The following STK4 variants were observed in gnomAD, a reference collection of about 807,000 sequenced individuals.
The protein encoded by STK4 is serine/threonine kinase 4.
Under a neutral mutation model 64.9 loss-of-function variants are expected in STK4, and 30 were observed. The ratio of observed to expected loss-of-function variants is 0.46; its 90% confidence interval spans 0.35 to 0.63. STK4 has a LOEUF of 0.63. Ranked by LOEUF, STK4 falls within the 20% of genes least tolerant of loss-of-function variation. STK4 has a pLI of 0.01. For synonymous variants in STK4, 177 were observed against 199.0 expected (o/e 0.89, Z 0.93); for missense variants, 466 against 598.5 (o/e 0.78, Z 2.31).
chr20:44,988,535 A>G (rs11906118), intron 5 of STK4, among the ~76,000 whole-genome samples: 33,071 of 86,694 alleles, frequency 0.38, 4,790 homozygotes, highest in Non-Finnish European at 0.42. Context: ...GTGTGTGTGT[A>G]TATATATATA....
chr20:45,032,233 A>T (rs2068456957), intron 10 of STK4, among the ~76,000 whole-genome samples: 1 of 152,076 alleles, frequency 6.6e-6, no homozygotes, highest in Admixed American at 6.6e-5. Context: ...TGAAACTTTA[A>T]AAACATGGAA....
At chr20:45,021,717 A>T (rs929003100) in intron 9 of STK4, among the ~76,000 whole-genome samples, 10 of 152,174 alleles carry the variant, frequency 6.6e-5, no homozygotes, top group African/African-American at 1.9e-4. Context: ...TTGTCACTAA[A>T]ATATTTCTTG....
intron 10 of STK4, among the ~76,000 whole-genome samples, chr20:45,067,952 C>T (rs1012520843): frequency 6.6e-6 from 1 of 152,112 alleles, no homozygotes; most frequent in African/African-American, 2.4e-5. Flanking sequence ...GTGTTGTGAG[C>T]TCATCTTAGA....
chr20:44,982,830 C>T (rs1203732231), intron 4 of STK4, among the ~76,000 whole-genome samples: 1 of 149,168 alleles, frequency 6.7e-6, no homozygotes, highest in East Asian at 1.9e-4. Context: ...TAGTGTACTT[C>T]GGAATAGGGC....
chr20:45,056,964 C>T (rs1978535611), intron 10 of STK4, among the ~76,000 whole-genome samples: 2 of 152,196 alleles, frequency 1.3e-5, no homozygotes, highest in African/African-American at 2.4e-5. Context: ...GGCAAGCCGT[C>T]GTTTACCTTC....
intron 9 of STK4, among the ~76,000 whole-genome samples, chr20:45,005,994 T>TA (rs2067936462): frequency 6.6e-6 from 1 of 151,928 alleles, no homozygotes; most frequent in Non-Finnish European, 1.5e-5. Context: ...CTGTTGTCAA[T>TA]ATTGTTCTTT....
chr20:44,971,383 A>G (rs1376267433), intron 1 of STK4, among the ~76,000 whole-genome samples: 5 of 152,162 alleles, frequency 3.3e-5, no homozygotes, highest in African/African-American at 4.8e-5. Context: ...ACTTTTGATC[A>G]TATCTAAATG....
At chr20:44,992,726 G>A (rs568829120) in intron 5 of STK4, among the ~76,000 whole-genome samples, 154 of 151,374 alleles carry the variant, frequency 1.0e-3, no homozygotes, top group Non-Finnish European at 1.9e-3. Context: ...AGACAGTCTC[G>A]CTCTGTCACC....
chr20:45,071,945 C>T lies in STK4; in HGVS notation c.1306-3073C>T, dbSNP rs535894002. Among the ~76,000 whole-genome samples, 6 of 151,744 alleles carry T rather than the reference C, an allele frequency of 4.0e-5. No homozygotes were observed. The South Asian group carries it at 6.3e-4, about 16-fold the overall frequency. ...CACACCTGGCTAATTTTTTTTCCCC[C>T]GTAGAGATGGGATTTCACTATTTGC... On this transcript the variant is annotated intron_variant, in intron 10 of 10. Transcript: ENST00000372806.
At position 45,062,310 on chromosome 20, in the gene STK4, C is replaced by T. The variant is rs112565404; in HGVS notation, c.1306-12708C>T. Among the ~76,000 whole-genome samples the T allele has an allele frequency of 8.6e-3, 1,313 of 152,220 alleles. 18 individuals are homozygous for T. The highest frequency in any genetic ancestry group is 0.03 in the African/African-American group (1,260 of 41,516). On this transcript the variant is annotated intron_variant, in intron 10 of 10. Coordinates refer to ENST00000372806, the MANE Select transcript of STK4 (RefSeq NM_006282.5). ...ACAGCATTCCATGGTGTATATGGAC[C>T]ATATTTTCTTTATCCAGTCTACCGT...
intron 9 of STK4, among the ~76,000 whole-genome samples, chr20:45,009,564 G>A (rs1226296867): frequency 6.6e-6 from 1 of 152,136 alleles, no homozygotes; most frequent in Non-Finnish European, 1.5e-5. Flanking sequence ...TTCTAGTTCC[G>A]TGAAGAATGT....
At chr20:45,068,426 G>C (rs1213143513) in intron 10 of STK4, among the ~76,000 whole-genome samples, 1 of 152,112 alleles carries the variant, frequency 6.6e-6, no homozygotes, top group Non-Finnish European at 1.5e-5. Flanking sequence ...GTAGGCACTT[G>C]GTGCCTACTA....
At chr20:44,981,279 C>T (rs577593622) in intron 3 of STK4, among the ~76,000 whole-genome samples, 15 of 152,124 alleles carry the variant, frequency 9.9e-5, no homozygotes, top group South Asian at 8.3e-4. Context: ...CTCAGCCTCC[C>T]GAGTAGCAGG....
chr20:45,066,338 ATATTTTATAAAATGTTAT>A, intron 10 of STK4, among the ~76,000 whole-genome samples: 1 of 152,332 alleles, frequency 6.6e-6, no homozygotes, highest in South Asian at 2.1e-4. Flanking sequence ...CAAGTACTTC[ATATTTTATAAAATGTTAT>A]TTAAAGAAGA....
At chr20:44,977,783 G>T (rs1414681056) in intron 2 of STK4, among the ~76,000 whole-genome samples, 2 of 152,078 alleles carry the variant, frequency 1.3e-5, no homozygotes, top group African/African-American at 4.8e-5. Flanking sequence ...GAGTGTGTGT[G>T]CTGTGTTTAC....
chr20:45,006,745 A>AT (rs2067953561), intron 9 of STK4, among the ~76,000 whole-genome samples: 1 of 151,886 alleles, frequency 6.6e-6, no homozygotes, highest in African/African-American at 2.4e-5. Context: ...CTAGAAGTTG[A>AT]TTTTTTCCAC....
chr20:45,055,099 T>A (rs1978355903), intron 10 of STK4, among the ~76,000 whole-genome samples: 1 of 152,050 alleles, frequency 6.6e-6, no homozygotes. Flanking sequence ...CATGGGGAGG[T>A]TTCAGGAGTG....
intron 9 of STK4, among the ~76,000 whole-genome samples, chr20:45,002,532 C>T (rs1426845647): frequency 6.6e-6 from 1 of 152,138 alleles, no homozygotes; most frequent in Non-Finnish European, 1.5e-5. Context: ...TTTTGTAATT[C>T]TCCCTTTTGG....
At chr20:45,052,448 T>C (rs1185361360) in intron 10 of STK4, among the ~76,000 whole-genome samples, 1 of 152,208 alleles carries the variant, frequency 6.6e-6, no homozygotes, top group Admixed American at 6.5e-5. Flanking sequence ...GTGAAATCAT[T>C]TTTAAGGGTC....
Sources: allele counts gnomAD v4.1 joint callset (sites outside exome capture counted in the v4.1 genomes callset), GRCh38; gene constraint gnomAD v4.1.1; transcripts MANE v1.5; gene names NCBI Gene and HGNC (gene_info 2026-07-23, HGNC 2026-07-21).